Variants in ERAP2 observed in about 807,000 individuals in gnomAD.
The protein encoded by ERAP2 is leukocyte-derived arginine aminopeptidase.
A neutral mutation model predicts 111.1 loss-of-function variants in ERAP2; 118 were observed. The observed-to-expected ratio is 1.06, with a 90% CI of 0.92 to 1.24. The LOEUF is 1.24. ERAP2 is among the 50% of genes most tolerant of loss of function. The probability of loss-of-function intolerance (pLI) is 0.00; values close to 1 mark genes in which losing one functional copy is unlikely to be tolerated. For missense variants in ERAP2, 1,131 were observed against 1,125.8 expected (o/e 1.00, Z -0.07); for synonymous variants, 410 against 401.2 (o/e 1.02, Z -0.26).
intron 5 of ERAP2, among the ~76,000 whole-genome samples, chr5:96,889,769 C>A (rs773021232): frequency 6.6e-6 from 1 of 151,950 alleles, no homozygotes; most frequent in Non-Finnish European, 1.5e-5. Context: ...CACCTCCCAT[C>A]GTGCTGCTCT....
At chr5:96,914,232 T>TA (rs1385563170) in intron 17 of ERAP2, among the ~76,000 whole-genome samples, 1 of 152,128 alleles carries the variant, frequency 6.6e-6, no homozygotes, top group Non-Finnish European at 1.5e-5. Context: ...ATTTATGACT[T>TA]ATATGAAAAT....
rs753590582 is a variant in ERAP2, at chr5:96,901,546, T to G, written c.1613T>G (p.Met538Arg). 3 of 1,613,976 alleles carry G rather than the reference T, an allele frequency of 1.9e-6. No homozygotes were observed. The Admixed American group carries it at 5.0e-5, about 27-fold the overall frequency. The stretch of plus-strand genomic sequence containing the variant: ...GAAAATGCAGAGGTCAAAGAGATGA[T>G]GACTACATGGACTCTCCAGAAAGGA... ...LGENAEVKEM[M>R]TTWTLQKGIP... The change falls in exon 11 of 19, where the codon ATG becomes AGG. Residue 538 changes from methionine (M) to arginine (R), a missense_variant. By Grantham distance (91) the Met-to-Arg change is moderately conservative. Coordinates refer to ENST00000437043, the MANE Select transcript of ERAP2 (RefSeq NM_022350.5).
At chr5:96,889,479 T>C in intron 5 of ERAP2, 174 bp downstream of exon 5, 1 of 762,060 alleles carries the variant, frequency 1.3e-6, no homozygotes, top group African/African-American at 1.7e-5. Context: ...AAAATATTTA[T>C]GACATGCCCC....
chr5:96,909,875 A>G, intron 15 of ERAP2, 111 bp downstream of exon 15: 1 of 1,056,116 alleles, frequency 9.5e-7, no homozygotes, highest in South Asian at 1.7e-5. Context: ...AAAAAAAAAC[A>G]TGCTGGGCAT....
intron 9 of ERAP2, among the ~76,000 whole-genome samples, chr5:96,897,153 G>T (rs962149131): frequency 3.9e-5 from 6 of 152,054 alleles, no homozygotes; most frequent in African/African-American, 1.2e-4. Context: ...TTAAAATGTT[G>T]TAATTTCTAC....
chr5:96,878,024 G>A (rs551654462), intron 1 of ERAP2, among the ~76,000 whole-genome samples: 1 of 152,206 alleles, frequency 6.6e-6, no homozygotes, highest in Non-Finnish European at 1.5e-5. Context: ...AGTTGGAGCA[G>A]TAAGGAAGTA....
At chr5:96,886,000 A>C (rs1017426608) in intron 3 of ERAP2, among the ~76,000 whole-genome samples, 2 of 152,244 alleles carry the variant, frequency 1.3e-5, no homozygotes, top group African/African-American at 4.8e-5. Context: ...AAGCAAAGAT[A>C]AAATAAGACC....
At position 96,883,907 on chromosome 5, in the gene ERAP2, A is replaced by G; in HGVS notation, c.691A>G (p.Ile231Val). The change falls in exon 3 of 19, where the codon ATT becomes GTT. Residue 231 changes from isoleucine (I) to valine (V), a missense_variant. Physicochemically the swap from Ile to Val is conservative, Grantham distance 29 (BLOSUM62 3). Coordinates refer to ENST00000437043, the MANE Select transcript of ERAP2 (RefSeq NM_022350.5). ...SIKIRRESRHIALSNMPKVKT... is the reference protein window; with the variant it reads ...SIKIRRESRHVALSNMPKVKT... ...CAAGATACGAAGAGAGAGCAGGCAT[A>G]TTGCACTATCCAACATGCCAAAGGT... The G allele has an allele frequency of 4.3e-6, 7 of 1,612,212 alleles. No individual in the cohort carries two copies. The highest frequency in any genetic ancestry group is 5.9e-6 in the Non-Finnish European group (7 of 1,179,334).
Position 96,879,548 on chromosome 5 carries a change from T to G in ERAP2, c.-122-16T>G. 1.6e-6 allele frequency: 1 copy of G among 631,144 alleles called. No homozygotes were observed. Among genetic ancestry groups the G allele is most frequent in the Non-Finnish European group, 2.7e-6 (1 of 365,722 alleles). The allele number at this position is 631,144 out of a possible 1,614,324, so 39.1% of individuals were successfully genotyped here. On this transcript the variant is annotated splice_polypyrimidine_tract_variant and intron_variant, in intron 1 of 18. Coordinates refer to ENST00000437043, the MANE Select transcript of ERAP2 (RefSeq NM_022350.5). ...AATCTTTTTTGTCATGCTATAAGTGTGTTTTTTTCTTCTAGATTAAATTCA... is the reference window on the plus strand; with the variant it reads ...AATCTTTTTTGTCATGCTATAAGTGGGTTTTTTTCTTCTAGATTAAATTCA...
chr5:96,909,788 C>A, intron 15 of ERAP2, 24 bp downstream of exon 15: 1 of 1,604,786 alleles, frequency 6.2e-7, no homozygotes, highest in Non-Finnish European at 8.5e-7. Flanking sequence ...TCTGTCCTAC[C>A]CTTTGTTCTT....
chr5:96,885,827 G>T (rs1338551068), intron 3 of ERAP2, among the ~76,000 whole-genome samples: 1 of 152,198 alleles, frequency 6.6e-6, no homozygotes, highest in Admixed American at 6.5e-5. Flanking sequence ...GAGACAAGCT[G>T]CCCAGACCAA....
intron 4 of ERAP2, among the ~76,000 whole-genome samples, chr5:96,887,118 C>G (rs1273089229): frequency 2.0e-5 from 3 of 148,858 alleles, no homozygotes. Flanking sequence ...CACACACACA[C>G]ACACACACAT....
At chr5:96,897,222 A>C (rs1288354747) in intron 9 of ERAP2, among the ~76,000 whole-genome samples, 1 of 152,182 alleles carries the variant, frequency 6.6e-6, no homozygotes, top group Non-Finnish European at 1.5e-5. Flanking sequence ...CCCAATGTGT[A>C]TATATTTGTT....
In ERAP2 at chr5:96,878,912, C is replaced by A. The variant is rs555261177; in HGVS notation, c.-122-652C>A. 4.6e-5 allele frequency among the ~76,000 whole-genome samples: 7 copies of A among 152,074 alleles called. No individual in the cohort carries two copies. In the East Asian group the frequency reaches 1.4e-3, roughly 29 times the overall value. The stretch of plus-strand genomic sequence containing the variant: ...CACTGCATTCCAACCTGGACAACAG[C>A]GAGATTCCGTCTCAAAAACATAAAT... On this transcript the variant is annotated intron_variant, in intron 1 of 18. Transcript: ENST00000437043.
In ERAP2 at chr5:96,907,965, T is replaced by TA. The variant is rs1400877054; in HGVS notation, c.2013-996_2013-995insA. Reference sequence around the variant, plus strand: ...GCCTTCCGTCTTCAGGTGAAATTTTTGAAAAAAATTTCCATAAGTCTGTTT... The same window carrying TA: ...GCCTTCCGTCTTCAGGTGAAATTTTTAGAAAAAAATTTCCATAAGTCTGTTT... On this transcript the variant is annotated intron_variant, in intron 13 of 18. Coordinates refer to ENST00000437043, the MANE Select transcript of ERAP2 (RefSeq NM_022350.5). Among the ~76,000 whole-genome samples, 5 of 152,158 alleles carry TA rather than the reference T, an allele frequency of 3.3e-5. No individual in the cohort carries two copies. The East Asian group carries it at 9.6e-4, about 29-fold the overall frequency.
At chr5:96,896,915 A>C in intron 9 of ERAP2, 52 bp downstream of exon 9, 2 of 1,498,912 alleles carry the variant, frequency 1.3e-6, no homozygotes, top group Non-Finnish European at 1.8e-6. Context: ...AGAAAGTAAC[A>C]GAATAATTGT....
chr5:96,901,188 G>GTTTT (rs71617149), intron 10 of ERAP2, among the ~76,000 whole-genome samples: 70,465 of 147,150 alleles, frequency 0.48, 16,617 homozygotes, highest in East Asian at 0.55. Flanking sequence ...TTGTTTGTTT[G>GTTTT]ATTTTGTTTG....
At chr5:96,912,985 T>TTCATAACTA (rs2112392663) in intron 16 of ERAP2, among the ~76,000 whole-genome samples, 187 bp downstream of exon 16, 1 of 152,334 alleles carries the variant, frequency 6.6e-6, no homozygotes, top group East Asian at 1.9e-4. Context: ...ATTCCCTAGT[T>TTCATAACTA]ATTAATCATA....
chr5:96,885,571 T>G (rs904447950), intron 3 of ERAP2, among the ~76,000 whole-genome samples: 1 of 152,186 alleles, frequency 6.6e-6, no homozygotes, highest in Non-Finnish European at 1.5e-5. Flanking sequence ...ACTAGATAAT[T>G]TATGGTAATG....
Sources: gnomAD v4.1 joint callset for allele counts (sites outside exome capture counted in the v4.1 genomes callset) on GRCh38, gnomAD v4.1.1 for gene constraint, MANE v1.5 for transcripts, NCBI Gene and HGNC (gene_info 2026-07-23, HGNC 2026-07-21) for gene names.